GINM1: variants seen among roughly 807,000 people sequenced by gnomAD.
The protein encoded by GINM1 is glycoprotein integral membrane protein 1.
Under a neutral mutation model 37.8 loss-of-function variants are expected in GINM1, and 29 were observed. The ratio of observed to expected loss-of-function variants is 0.77; its 90% confidence interval spans 0.57 to 1.05. The LOEUF is 1.05. GINM1 is among the 50% of genes least tolerant of loss of function. GINM1 has a pLI of 0.00. For missense variants in GINM1, 377 were observed against 397.9 expected (o/e 0.95, Z 0.45); for synonymous variants, 143 against 146.2 (o/e 0.98, Z 0.16).
chr6:149,567,590 G>A (rs1241706663), intron 1 of GINM1, among the ~76,000 whole-genome samples: 1 of 152,136 alleles, frequency 6.6e-6, no homozygotes, highest in Admixed American at 6.5e-5. Flanking sequence ...GCAGTGAGCC[G>A]AGATCGTGCC....
chr6:149,591,091 A>G lies in GINM1; in HGVS notation c.*253A>G. The G allele has an allele frequency of 9.8e-6, 3 of 307,634 alleles. No individual in the cohort carries two copies. The highest frequency in any genetic ancestry group is 2.2e-5 in the African/African-American group (1 of 45,932). The allele number at this position is 307,634 out of a possible 1,614,324, so 19.1% of individuals were successfully genotyped here. A position where few individuals can be genotyped will look rare whatever the true frequency, so the allele number is the denominator to read the frequency against. On this transcript the variant is annotated 3_prime_UTR_variant, in exon 8 of 8. Transcript: ENST00000367419. ...GGGCGGATCACGAGGTCAGATCAAG[A>G]CCATCCTGCCAACATGGTGAAACCC...
At chr6:149,582,357 C>A in intron 6 of GINM1, 83 bp from the exon 7 acceptor site, 1 of 1,193,994 alleles carries the variant, frequency 8.4e-7, no homozygotes, top group South Asian at 1.3e-5. Flanking sequence ...TTTTATCATC[C>A]CAAAGCTAAA....
chr6:149,567,015 C>T (rs1018476480), intron 1 of GINM1, among the ~76,000 whole-genome samples: 1 of 152,236 alleles, frequency 6.6e-6, no homozygotes, highest in Non-Finnish European at 1.5e-5. Flanking sequence ...CTCCGCCGGG[C>T]TCAGGTGGGC....
chr6:149,587,245 T>C (rs1009049510), intron 7 of GINM1, among the ~76,000 whole-genome samples: 1 of 152,110 alleles, frequency 6.6e-6, no homozygotes, highest in Non-Finnish European at 1.5e-5. Context: ...CACCAATACG[T>C]GTGTGGGGAT....
chr6:149,584,062 G>GCCT lies in GINM1; in HGVS notation c.881+1463_881+1465dup, dbSNP rs765810236. Among the ~76,000 whole-genome samples the GCCT allele has an allele frequency of 5.6e-4, 85 of 151,936 alleles. 1 individual carries two copies. Among genetic ancestry groups the GCCT allele is most frequent in the Non-Finnish European group, 1.1e-3 (76 of 67,958 alleles). The stretch of plus-strand genomic sequence containing the variant: ...ATGATCTTGGCTCACTGCAACCTCC[G>GCCT]CCTCCTGGGTTCAAGCGATTCTCCT... On this transcript the variant is annotated intron_variant, in intron 7 of 7. Transcript: ENST00000367419.
At chr6:149,572,175 C>G in intron 1 of GINM1, 110 bp from the exon 2 acceptor site, 2 of 543,552 alleles carry the variant, frequency 3.7e-6, no homozygotes, top group South Asian at 3.7e-5. Flanking sequence ...TCTCTTAATG[C>G]TGTTATAAGT....
rs1554219259 is a variant in GINM1, at chr6:149,572,650, T to TG, written c.277+47_277+48insG. On this transcript the variant is annotated intron_variant, in intron 3 of 7. Coordinates refer to ENST00000367419, the MANE Select transcript of GINM1 (RefSeq NM_138785.5). ...CCATAATTGCTCTGTTTTTTGTGTG[T>TG]TTGTTGTTGTTGTTGTTGTTGTTTG... 6 of 1,126,718 alleles carry TG rather than the reference T, an allele frequency of 5.3e-6. No individual in the cohort carries two copies. The African/African-American group carries it at 9.2e-5, about 17-fold the overall frequency. 69.8% of individuals were successfully genotyped at this position (1,126,718 alleles called of 1,614,324 possible).
chr6:149,580,498 GTTC>G (rs1777983563), intron 5 of GINM1, 92 bp from the exon 6 acceptor site: 1 of 1,110,000 alleles, frequency 9.0e-7, no homozygotes, highest in African/African-American at 1.6e-5. Context: ...TAAAATATGT[GTTC>G]TTACTATCCT....
Position 149,591,073 on chromosome 6 carries a change from T to A in GINM1, c.*235T>A. On this transcript the variant is annotated 3_prime_UTR_variant, in exon 8 of 8. Coordinates refer to ENST00000367419, the MANE Select transcript of GINM1 (RefSeq NM_138785.5). ...ACTTTGGGAGGCCAATGCGGGCGGA[T>A]CACGAGGTCAGATCAAGACCATCCT... 2.5e-6 allele frequency: 1 copy of A among 392,934 alleles called. No individual in the cohort carries two copies. Among genetic ancestry groups the A allele is most frequent in the Non-Finnish European group, 4.6e-6 (1 of 218,870 alleles). The allele number at this position is 392,934 out of a possible 1,614,324, so 24.3% of individuals were successfully genotyped here.
chr6:149,572,033 A>G (rs902916017), intron 1 of GINM1, among the ~76,000 whole-genome samples: 2 of 152,132 alleles, frequency 1.3e-5, no homozygotes, highest in Non-Finnish European at 2.9e-5. Flanking sequence ...GTGAGCCCAG[A>G]TTGCGGTACT....
intron 7 of GINM1, among the ~76,000 whole-genome samples, chr6:149,584,828 G>T (rs12174765): frequency 0.28 from 41,034 of 145,610 alleles, 5,765 homozygotes; most frequent in South Asian, 0.35. Flanking sequence ...TATATATATA[G>T]AGAGAGAGAG....
intron 3 of GINM1, 124 bp from the exon 4 acceptor site, chr6:149,578,698 A>C: frequency 1.6e-6 from 1 of 617,658 alleles, no homozygotes. Flanking sequence ...TCAGGGATGA[A>C]GAAAGCCAAA....
At position 149,572,650 on chromosome 6, in the gene GINM1, T is replaced by TTTG. The variant is rs568375038; in HGVS notation, c.277+68_277+70dup. The TTTG allele has an allele frequency of 6.7e-4, 754 of 1,126,684 alleles. 1 individual carries two copies. Among genetic ancestry groups the TTTG allele is most frequent in the Middle Eastern group, 1.9e-3 (9 of 4,830 alleles). The allele number at this position is 1,126,684 out of a possible 1,614,324, so 69.8% of individuals were successfully genotyped here. On this transcript the variant is annotated intron_variant, in intron 3 of 7. Coordinates refer to ENST00000367419, the MANE Select transcript of GINM1 (RefSeq NM_138785.5). The stretch of plus-strand genomic sequence containing the variant: ...CCATAATTGCTCTGTTTTTTGTGTG[T>TTTG]TTGTTGTTGTTGTTGTTGTTGTTTG...
chr6:149,575,966 C>T (rs180673900), intron 3 of GINM1: 2 of 152,174 alleles, frequency 1.3e-5, no homozygotes, highest in African/African-American at 4.8e-5. Context: ...GCAACAACAA[C>T]AAATCTTCTT....
chr6:149,580,596 G>C lies in GINM1; in HGVS notation c.590G>C (p.Ser197Thr). The change falls in exon 6 of 8, where the codon AGT becomes ACT. Residue 197 changes from serine (S) to threonine (T), a missense_variant. Physicochemically the swap from Ser to Thr is moderately conservative, Grantham distance 58. Coordinates refer to ENST00000367419, the MANE Select transcript of GINM1 (RefSeq NM_138785.5). ...FTLPNLSKKE[S>T]VSSLQTTSQY... ...CGTTGCTCTTTCTCCTGGGTAGAAA[G>C]TGTTAGTTCACTGCAAACCACTAGC... is the stretch of plus-strand genomic sequence containing the variant. 6.2e-7 allele frequency: 1 copy of C among 1,611,314 alleles called. No homozygotes were observed. The highest frequency in any genetic ancestry group is 8.5e-7 in the Non-Finnish European group (1 of 1,178,934).
intron 1 of GINM1, among the ~76,000 whole-genome samples, chr6:149,570,141 TA>T (rs1396760704): frequency 0.35 from 2,415 of 6,986 alleles, 227 homozygotes; most frequent in African/African-American, 0.42. Flanking sequence ...AGGTTTTATA[TA>T]TATATATATA....
At position 149,566,637 on chromosome 6, in the gene GINM1, CG is replaced by C; in HGVS notation, c.120+108del. ...CCCACATCCCACCGGCGGGCAGGGG[CG>C]GGGGTCCGGGCCCCCGAAGGAGGTG... is the stretch of plus-strand genomic sequence containing the variant. On this transcript the variant is annotated intron_variant, in intron 1 of 7. Transcript: ENST00000367419. The surrounding 1 kb of genome is among the most constrained non-coding windows in gnomAD (Gnocchi z 4.4). The C allele has an allele frequency of 7.5e-7, 1 of 1,340,072 alleles. No homozygotes were observed. The highest frequency in any genetic ancestry group is 9.6e-7 in the Non-Finnish European group (1 of 1,036,310). The allele number at this position is 1,340,072 out of a possible 1,614,324, so 83.0% of individuals were successfully genotyped here.
intron 3 of GINM1, among the ~76,000 whole-genome samples, chr6:149,574,240 G>A (rs1210620935): frequency 4.6e-5 from 7 of 151,906 alleles, no homozygotes; most frequent in South Asian, 4.2e-4. Context: ...TAGTAGAGAT[G>A]GGGTTTCACC....
chr6:149,580,080 A>T (rs937303445), intron 5 of GINM1, 90 bp downstream of exon 5: 2 of 813,582 alleles, frequency 2.5e-6, no homozygotes, highest in Non-Finnish European at 3.7e-6. Context: ...TATTTTTTAC[A>T]CTATTTGCAA....
Sources: allele counts gnomAD v4.1 joint callset (sites outside exome capture counted in the v4.1 genomes callset), GRCh38; gene constraint gnomAD v4.1.1; non-coding constraint Gnocchi (gnomAD v3.1); transcripts MANE v1.5; gene names NCBI Gene and HGNC (gene_info 2026-07-23, HGNC 2026-07-21).